ASTN2: variants seen among roughly 807,000 people sequenced by gnomAD.
The protein encoded by ASTN2 is astrotactin 2.
ASTN2 carries 54 observed loss-of-function variants against 139.8 expected under a neutral mutation model. The ratio of observed to expected loss-of-function variants is 0.39; its 90% CI spans 0.31 to 0.48. The LOEUF (loss-of-function observed/expected upper bound fraction) is 0.48, where lower values mean the gene tolerates loss of function less well. ASTN2 is among the 20% of genes least tolerant of loss of function. The pLI, the probability that ASTN2 is intolerant of heterozygous loss-of-function variation, is 0.95. For missense variants in ASTN2, 1,565 were observed against 1,725.1 expected (o/e 0.91, Z 1.64); for synonymous variants, 756 against 719.5 (o/e 1.05, Z -0.81).
intron 1 of ASTN2, among the ~76,000 whole-genome samples, chr9:117,299,500 G>A (rs1339924): frequency 0.39 from 58,813 of 152,140 alleles, 12,271 homozygotes; most frequent in East Asian, 0.55. Context: ...ACAAATGGCT[G>A]TGTGGCAAGA....
At chr9:117,389,863 A>C (rs945477895) in intron 1 of ASTN2, among the ~76,000 whole-genome samples, 3 of 152,100 alleles carry the variant, frequency 2.0e-5, no homozygotes, top group African/African-American at 7.2e-5. Context: ...GACAAAAAAA[A>C]AAAAAGAACA....
intron 13 of ASTN2, among the ~76,000 whole-genome samples, chr9:116,737,764 G>A (rs190527770): frequency 9.9e-5 from 15 of 152,164 alleles, no homozygotes; most frequent in South Asian, 2.1e-4. Context: ...ATATAGTAGC[G>A]TACAGGAATG....
intron 22 of ASTN2, among the ~76,000 whole-genome samples, chr9:116,429,226 C>G (rs1412085079): frequency 6.6e-6 from 1 of 151,262 alleles, no homozygotes; most frequent in Non-Finnish European, 1.5e-5. Context: ...GTAATCCCAG[C>G]TACTCGGGAG....
chr9:116,426,071 A>T lies in ASTN2; in HGVS notation c.3800T>A (p.Leu1267Gln), dbSNP rs1456087934. 4 of 1,613,548 alleles carry T rather than the reference A, an allele frequency of 2.5e-6. No individual in the cohort carries two copies. The highest frequency in any genetic ancestry group is 3.4e-6 in the Non-Finnish European group (4 of 1,180,034). ...ELGPRKAHLILRRLERVSSHC... is the reference protein window; with the variant it reads ...ELGPRKAHLIQRRLERVSSHC... ...GCTACTCACCCTCTCCAGTCGCCGTAGAATCAGGTGGGCCTTCCTGAAAGG... is the reference window on the plus strand; with the variant it reads ...GCTACTCACCCTCTCCAGTCGCCGTTGAATCAGGTGGGCCTTCCTGAAAGG... Residue 1267 changes from leucine to glutamine, a missense_variant, in exon 23 of 23, where the codon CTA becomes CAA. Physicochemically the swap from Leu to Gln is moderately radical, Grantham distance 113 (BLOSUM62 -2). Coordinates refer to ENST00000313400, the MANE Select transcript of ASTN2 (RefSeq NM_001365068.1).
At chr9:116,675,379 T>G (rs1259858249) in intron 16 of ASTN2, among the ~76,000 whole-genome samples, 1 of 152,024 alleles carries the variant, frequency 6.6e-6, no homozygotes. Context: ...TATGGTGGGG[T>G]GTCTGTAGCC....
At chr9:117,260,366 T>G (rs1428145785) in intron 2 of ASTN2, among the ~76,000 whole-genome samples, 1 of 152,186 alleles carries the variant, frequency 6.6e-6, no homozygotes, top group Non-Finnish European at 1.5e-5. Context: ...CCATCAAAAG[T>G]ACATCTCACC....
intron 1 of ASTN2, among the ~76,000 whole-genome samples, chr9:117,292,021 GGAGCTTGCCAA>G (rs1312811068): frequency 6.6e-6 from 1 of 152,146 alleles, no homozygotes; most frequent in Non-Finnish European, 1.5e-5. Context: ...GCATGGGAAA[GGAGCTTGCCAA>G]GAGGGTTGCC....
rs1333847285 is a variant in ASTN2, at chr9:117,414,403, CG to C, written c.442+93del. 1.3e-6 allele frequency: 2 copies of C among 1,551,658 alleles called. No individual in the cohort carries two copies. The highest frequency in any genetic ancestry group is 1.7e-6 in the Non-Finnish European group (2 of 1,149,416). ...CTGCCAACCCCACTCGGGGCAGCCC[CG>C]GGCAGGGATCCCCAGGGCGCCCCCA... On this transcript the variant is annotated intron_variant, in intron 1 of 22. Coordinates refer to ENST00000313400, the MANE Select transcript of ASTN2 (RefSeq NM_001365068.1). This position sits in a 1 kb window ranked among gnomAD's most constrained non-coding sequence, Gnocchi z 4.2.
intron 7 of ASTN2, among the ~76,000 whole-genome samples, chr9:116,996,238 A>G (rs1356354953): frequency 6.6e-6 from 1 of 152,124 alleles, no homozygotes; most frequent in Non-Finnish European, 1.5e-5. Context: ...AATTATTAGT[A>G]TAGTATGGTA....
intron 19 of ASTN2, among the ~76,000 whole-genome samples, chr9:116,533,632 T>C (rs904143412): frequency 3.9e-5 from 6 of 152,256 alleles, no homozygotes; most frequent in Admixed American, 2.0e-4. Context: ...GTGATTTTTG[T>C]CATTGGTTCT....
chr9:116,701,140 C>CTGA (rs1176019162), intron 16 of ASTN2: 4 of 167,068 alleles, frequency 2.4e-5, no homozygotes, highest in African/African-American at 7.2e-5. Flanking sequence ...AGGTGCAGGG[C>CTGA]TGATGGCAAG....
chr9:117,136,632 G>C (rs1419451088), intron 4 of ASTN2, among the ~76,000 whole-genome samples: 3 of 152,162 alleles, frequency 2.0e-5, no homozygotes, highest in African/African-American at 7.2e-5. Flanking sequence ...TGTCAGGGTA[G>C]AGCATGCATT....
intron 10 of ASTN2, among the ~76,000 whole-genome samples, chr9:116,891,903 T>C (rs1833771346): frequency 6.6e-6 from 1 of 152,238 alleles, no homozygotes; most frequent in Admixed American, 6.5e-5. Context: ...TAGAGCTGAT[T>C]GCATTGGAAA....
chr9:117,067,872 T>G (rs1297868606), intron 5 of ASTN2, among the ~76,000 whole-genome samples: 1 of 119,520 alleles, frequency 8.4e-6, no homozygotes, highest in Admixed American at 8.2e-5. Flanking sequence ...GCTGAGACTT[T>G]GCTGAAGTTG....
At chr9:116,882,223 T>A (rs1833467236) in intron 10 of ASTN2, among the ~76,000 whole-genome samples, 1 of 152,070 alleles carries the variant, frequency 6.6e-6, no homozygotes, top group Admixed American at 6.6e-5. Context: ...TCTTGCAAAG[T>A]AGAAAAGACA....
intron 2 of ASTN2, among the ~76,000 whole-genome samples, chr9:117,284,253 A>G (rs1321306075): frequency 1.3e-5 from 2 of 152,138 alleles, no homozygotes; most frequent in African/African-American, 4.8e-5. Flanking sequence ...ACAGGCTCAC[A>G]CCACCAAGGC....
chr9:116,782,222 A>C (rs893367386), intron 13 of ASTN2, among the ~76,000 whole-genome samples: 2 of 152,188 alleles, frequency 1.3e-5, no homozygotes, highest in Admixed American at 6.5e-5. Flanking sequence ...ATCACTGTGG[A>C]GTTTTATTAA....
intron 3 of ASTN2, among the ~76,000 whole-genome samples, chr9:117,144,403 G>A (rs934417065): frequency 6.6e-6 from 1 of 152,194 alleles, no homozygotes; most frequent in African/African-American, 2.4e-5. Context: ...TCTAAGGCAA[G>A]CTTGTCCAAC....
In ASTN2 at chr9:116,973,169, A is replaced by G. The variant is rs1400944120; in HGVS notation, c.1889+2039T>C. On this transcript the variant is annotated intron_variant, in intron 10 of 22. Coordinates refer to ENST00000313400, the MANE Select transcript of ASTN2 (RefSeq NM_001365068.1). ...GGCTTCATCTCTTACTAGTGAAGGCATTACCTCTATGCCTCAGGTTTGTTT... is the reference window on the plus strand; with the variant it reads ...GGCTTCATCTCTTACTAGTGAAGGCGTTACCTCTATGCCTCAGGTTTGTTT... Among the ~76,000 whole-genome samples, 4 of 152,352 alleles carry G rather than the reference A, an allele frequency of 2.6e-5. No homozygotes were observed. In the East Asian group the frequency reaches 7.7e-4, roughly 29 times the overall value.
Sources: allele counts gnomAD v4.1 joint callset (sites outside exome capture counted in the v4.1 genomes callset), GRCh38; gene constraint gnomAD v4.1.1; non-coding constraint Gnocchi (gnomAD v3.1); transcripts MANE v1.5; gene names NCBI Gene and HGNC (gene_info 2026-07-23, HGNC 2026-07-21).